Variants in MYO16 observed in about 807,000 individuals in gnomAD.
MYO16 encodes myosin XVI, also known as unconventional myosin-XVI.
MYO16 carries 94 observed loss-of-function variants against 205.3 expected under a neutral mutation model. The ratio of observed to expected loss-of-function variants is 0.46; its 90% CI spans 0.39 to 0.54. MYO16 has a LOEUF of 0.54. Ranked by LOEUF, MYO16 falls within the 20% of genes least tolerant of loss-of-function variation. The probability of loss-of-function intolerance (pLI) is 0.00; values close to 1 mark genes in which losing one functional copy is unlikely to be tolerated. For missense variants in MYO16, 2,315 were observed against 2,387.5 expected (o/e 0.97, Z 0.63); for synonymous variants, 988 against 954.0 (o/e 1.04, Z -0.66).
intron 1 of MYO16, among the ~76,000 whole-genome samples, chr13:108,652,486 T>G (rs1217745517): frequency 2.0e-5 from 3 of 152,246 alleles, no homozygotes; most frequent in African/African-American, 7.2e-5. Flanking sequence ...AAGTATATTC[T>G]CATTGTTATG....
intron 9 of MYO16, among the ~76,000 whole-genome samples, chr13:108,830,352 A>G (rs1876538792): frequency 1.4e-5 from 2 of 143,202 alleles, no homozygotes; most frequent in African/African-American, 2.6e-5. Context: ...AAAGACCTGG[A>G]ACCAACCCAA....
At chr13:108,602,474 C>T (rs78466192) in intron 1 of MYO16, among the ~76,000 whole-genome samples, 2,400 of 152,184 alleles carry the variant, frequency 0.016, 52 homozygotes, top group South Asian at 0.086. Flanking sequence ...GATGTTTTGA[C>T]AGTAATTTAA....
At chr13:109,122,677 ACT>A (rs1384819636) in intron 29 of MYO16, among the ~76,000 whole-genome samples, 1 of 147,874 alleles carries the variant, frequency 6.8e-6, no homozygotes, top group African/African-American at 2.5e-5. Flanking sequence ...CAAGAGTGAA[ACT>A]CTGTCTCAAA....
the MYO16 span, among the ~76,000 whole-genome samples, chr13:108,517,590 A>G: frequency 1.3e-5 from 2 of 152,250 alleles, no homozygotes; most frequent in Non-Finnish European, 2.9e-5. Flanking sequence ...TAGATATACT[A>G]TTGAAATTGA....
chr13:108,979,164 C>T (rs1433446956), intron 20 of MYO16, among the ~76,000 whole-genome samples: 2 of 151,812 alleles, frequency 1.3e-5, no homozygotes, highest in African/African-American at 4.8e-5. Context: ...TAATTAATTT[C>T]TGAAGTTTCA....
the MYO16 span, among the ~76,000 whole-genome samples, chr13:108,541,486 A>G: frequency 1.3e-5 from 2 of 151,888 alleles, no homozygotes; most frequent in African/African-American, 4.8e-5. Context: ...TTGAATAGAT[A>G]ATTGATTTTA....
intron 1 of MYO16, among the ~76,000 whole-genome samples, chr13:108,654,484 C>T (rs1881154341): frequency 6.6e-6 from 1 of 152,190 alleles, no homozygotes; most frequent in Non-Finnish European, 1.5e-5. Context: ...TCCAATTAAA[C>T]CTCTTTTCCT....
chr13:108,674,138 G>A (rs1404267522), intron 2 of MYO16, among the ~76,000 whole-genome samples: 1 of 152,138 alleles, frequency 6.6e-6, no homozygotes, highest in Non-Finnish European at 1.5e-5. Context: ...TTAGGACCAA[G>A]CTTTCTCTCC....
chr13:109,062,385 A>G (rs1422120768), intron 27 of MYO16, among the ~76,000 whole-genome samples: 2 of 152,210 alleles, frequency 1.3e-5, no homozygotes, highest in East Asian at 3.9e-4. Context: ...ATATTTCTGC[A>G]TAACAGAGAC....
chr13:108,872,408 T>C (rs1157235647), intron 12 of MYO16, among the ~76,000 whole-genome samples: 1 of 152,076 alleles, frequency 6.6e-6, no homozygotes, highest in Non-Finnish European at 1.5e-5. Flanking sequence ...TGTGGTATGT[T>C]TGTTTTTAAA....
the MYO16 span, among the ~76,000 whole-genome samples, chr13:108,524,020 C>T: frequency 3.9e-5 from 6 of 152,296 alleles, no homozygotes; most frequent in East Asian, 9.7e-4. Flanking sequence ...GTGGCACTGG[C>T]CGGGTGCGGA....
intron 2 of MYO16, among the ~76,000 whole-genome samples, chr13:108,683,095 A>G (rs115864982): frequency 0.014 from 2,118 of 152,296 alleles, 41 homozygotes; most frequent in African/African-American, 0.045. Flanking sequence ...ATTAAATAGT[A>G]TCTCCTTCAG....
intron 32 of MYO16, among the ~76,000 whole-genome samples, chr13:109,145,044 G>A (rs1166997670): frequency 6.6e-6 from 1 of 152,176 alleles, no homozygotes; most frequent in Non-Finnish European, 1.5e-5. Flanking sequence ...TAAGAGTGGT[G>A]GACACACATA....
chr13:108,967,677 T>G (rs559984413), intron 20 of MYO16, among the ~76,000 whole-genome samples: 1 of 152,258 alleles, frequency 6.6e-6, no homozygotes, highest in Admixed American at 6.5e-5. Flanking sequence ...TCCAAACAGG[T>G]AAAATAATAA....
At chr13:109,136,227 G>C (rs991730506) in intron 31 of MYO16, among the ~76,000 whole-genome samples, 1 of 152,002 alleles carries the variant, frequency 6.6e-6, no homozygotes, top group African/African-American at 2.4e-5. Flanking sequence ...CCAAGTAGCT[G>C]AGACCACAAG....
At chr13:108,733,652 A>T (rs1359750730) in intron 4 of MYO16, among the ~76,000 whole-genome samples, 2 of 152,218 alleles carry the variant, frequency 1.3e-5, no homozygotes, top group East Asian at 3.9e-4. Flanking sequence ...AAATTGGGGA[A>T]GAATATTAAG....
intron 2 of MYO16, among the ~76,000 whole-genome samples, chr13:108,666,696 C>G (rs1378302866): frequency 6.6e-6 from 1 of 152,166 alleles, no homozygotes; most frequent in Non-Finnish European, 1.5e-5. Context: ...CTTTCCCCGA[C>G]TCTCAGGAGT....
At chr13:108,637,690 C>T (rs1261421754) in intron 1 of MYO16, among the ~76,000 whole-genome samples, 2 of 152,016 alleles carry the variant, frequency 1.3e-5, no homozygotes, top group Non-Finnish European at 2.9e-5. Context: ...GCCTGACCAA[C>T]ATGGCAAAAC....
intron 3 of MYO16, among the ~76,000 whole-genome samples, chr13:108,720,356 C>T (rs1373181468): frequency 1.3e-5 from 2 of 152,128 alleles, no homozygotes; most frequent in African/African-American, 2.4e-5. Flanking sequence ...TGAGAAATTG[C>T]AATAAATTTA....
Sources: gnomAD v4.1 joint callset for allele counts (sites outside exome capture counted in the v4.1 genomes callset) on GRCh38, gnomAD v4.1.1 for gene constraint, MANE v1.5 for transcripts, NCBI Gene and HGNC (gene_info 2026-07-23, HGNC 2026-07-21) for gene names.